Variants in PLCD4 observed in about 807,000 individuals in gnomAD.
The protein encoded by PLCD4 is phospholipase C delta 4.
A neutral mutation model predicts 90.2 loss-of-function variants in PLCD4; 63 were observed. The observed-to-expected ratio is 0.70, with a 90% confidence interval of 0.57 to 0.86. The LOEUF (loss-of-function observed/expected upper bound fraction) is 0.86. Ranked by LOEUF, PLCD4 falls within the 40% of genes least tolerant of loss-of-function variation. PLCD4 has a pLI of 0.00. For synonymous variants in PLCD4, 294 were observed against 356.5 expected (o/e 0.82, Z 1.97); for missense variants, 830 against 956.3 (o/e 0.87, Z 1.74).
Position 218,634,396 on chromosome 2 carries a change from G to T in PLCD4, c.1724-62G>T. The T allele has an allele frequency of 6.3e-7, 1 of 1,581,890 alleles. No homozygotes were observed. Among genetic ancestry groups the T allele is most frequent in the South Asian group, 1.2e-5 (1 of 85,582 alleles). ...CCAGTACCTATCTTCTTAACTCCCT[G>T]AAAGAGGGGCTGGAAGGCCTCCATG... On this transcript the variant is annotated intron_variant, in intron 12 of 15. Coordinates refer to ENST00000450993, the MANE Select transcript of PLCD4 (RefSeq NM_032726.4). The surrounding 1 kb of genome is among the most constrained non-coding windows in gnomAD (Gnocchi z 4.0).
intron 3 of PLCD4, 33 bp downstream of exon 3, chr2:218,616,095 T>A (rs780454969): frequency 6.2e-7 from 1 of 1,606,702 alleles, no homozygotes; most frequent in African/African-American, 1.3e-5. Context: ...GGTGGATACA[T>A]GGGTGGATAG....
intron 13 of PLCD4, among the ~76,000 whole-genome samples, 165 bp from the exon 14 acceptor site, chr2:218,635,631 C>A (rs746630831): frequency 6.6e-6 from 1 of 152,172 alleles, no homozygotes; most frequent in Non-Finnish European, 1.5e-5. Flanking sequence ...CCGTGCCCGG[C>A]CTTTGGGTGC....
intron 7 of PLCD4, 139 bp downstream of exon 7, chr2:218,628,369 G>C: frequency 1.3e-6 from 1 of 771,890 alleles, no homozygotes; most frequent in East Asian, 2.5e-5. Flanking sequence ...AGAGACACTT[G>C]GAGGAGATAT....
chr2:218,633,665 T>C lies in PLCD4; in HGVS notation c.1510T>C (p.Ser504Pro). The C allele has an allele frequency of 6.2e-7, 1 of 1,613,432 alleles. No homozygotes were observed. Among genetic ancestry groups the C allele is most frequent in the Non-Finnish European group, 8.5e-7 (1 of 1,179,364 alleles). Reference protein sequence around the residue: ...SSLVIYLKSVSFRSFTHSKEH... With the variant: ...SSLVIYLKSVPFRSFTHSKEH... Reference sequence around the variant, plus strand: ...CCTGGTTATCTACTTGAAGTCTGTCTCATTCCGCAGCTTCACACATTCAAA... The same window carrying C: ...CCTGGTTATCTACTTGAAGTCTGTCCCATTCCGCAGCTTCACACATTCAAA... Residue 504 changes from serine (S) to proline (P), a missense_variant, in exon 11 of 16, where the codon TCA becomes CCA. By Grantham distance (74) the Ser-to-Pro change is moderately conservative. Coordinates refer to ENST00000450993, the MANE Select transcript of PLCD4 (RefSeq NM_032726.4).
rs1443492558 is a variant in PLCD4, at chr2:218,630,705, A to G, written c.1175A>G (p.Gln392Arg). 6.2e-7 allele frequency: 1 copy of G among 1,614,008 alleles called. No individual in the cohort carries two copies. Among genetic ancestry groups the G allele is most frequent in the Admixed American group, 1.7e-5 (1 of 60,008 alleles). Residue 392 changes from glutamine to arginine, a missense_variant, in exon 9 of 16, where the codon CAG (glutamine) becomes CGG (arginine). By Grantham distance (43) the Gln-to-Arg change is conservative (BLOSUM62 1). Transcript: ENST00000450993. ...GAGACCCACTGCAGCTGGGAGCAGC[A>G]GCAGACCATGGCCCGTCATCTGACT... ...SLETHCSWEQ[Q>R]QTMARHLTEI...
chr2:218,616,084 G>A, intron 3 of PLCD4, 22 bp downstream of exon 3: 1 of 1,610,144 alleles, frequency 6.2e-7, no homozygotes, highest in Non-Finnish European at 8.5e-7. Flanking sequence ...GGATAGTGGG[G>A]GGTGGATACA....
intron 1 of PLCD4, chr2:218,609,336 T>C (rs1695231176): frequency 6.6e-6 from 1 of 152,110 alleles, no homozygotes; most frequent in Admixed American, 6.6e-5. Context: ...CTTGGTGCCA[T>C]TGGTAACTCT....
At chr2:218,618,882 G>C in intron 4 of PLCD4, 75 bp downstream of exon 4, 1 of 1,428,362 alleles carries the variant, frequency 7.0e-7, no homozygotes, top group South Asian at 1.3e-5. Flanking sequence ...AACAGGTTTA[G>C]GAAAGGTGAG....
Position 218,632,286 on chromosome 2 carries a change from A to T in PLCD4, c.1423A>T (p.Asn475Tyr). Reference sequence around the variant, plus strand: ...GACTGAGCCTGAGCCCCAGGAGCAGAACCTTCAGAATAAGGACAAAAAGAA... The same window carrying T: ...GACTGAGCCTGAGCCCCAGGAGCAGTACCTTCAGAATAAGGACAAAAAGAA... ...FETEPEPQEQ[N>Y]LQNKDKKKKS... The change falls in exon 10 of 16, where the codon AAC (asparagine) becomes TAC (tyrosine). Residue 475 changes from asparagine (N) to tyrosine (Y), a missense_variant. Transcript: ENST00000450993. The T allele has an allele frequency of 6.2e-7, 1 of 1,610,298 alleles. No homozygotes were observed. The highest frequency in any genetic ancestry group is 8.5e-7 in the Non-Finnish European group (1 of 1,178,372).
At position 218,636,760 on chromosome 2, in the gene PLCD4, C is replaced by A; in HGVS notation, c.*183C>A. On this transcript the variant is annotated 3_prime_UTR_variant, in exon 16 of 16. Transcript: ENST00000450993. ...GGACCTGATTTTCCACCTTTTTTCTCTTTTCTTCCCTTCCTTTGTTTTCAT... is the reference window on the plus strand; with the variant it reads ...GGACCTGATTTTCCACCTTTTTTCTATTTTCTTCCCTTCCTTTGTTTTCAT... 1 of 680,136 alleles carries A rather than the reference C, an allele frequency of 1.5e-6. No individual in the cohort carries two copies. Among genetic ancestry groups the A allele is most frequent in the Admixed American group, 2.5e-5 (1 of 39,948 alleles). 42.1% of individuals were successfully genotyped at this position (680,136 alleles called of 1,614,324 possible). A position where few individuals can be genotyped will look rare whatever the true frequency, so the allele number is the denominator to read the frequency against.
At chr2:218,616,749 A>ACATACATACATC (rs1469646602) in intron 3 of PLCD4, among the ~76,000 whole-genome samples, 1 of 149,024 alleles carries the variant, frequency 6.7e-6, no homozygotes, top group Non-Finnish European at 1.5e-5. Flanking sequence ...ATACATACAT[A>ACATACATACATC]CATACATCAA....
rs369159528 is a variant in PLCD4, at chr2:218,629,580, C to T, written c.1036C>T (p.Pro346Ser). ...VDVWDGPSGE[P>S]VVYHGHTLTS... Reference sequence around the variant, plus strand: ...TGTATGGGATGGACCTAGCGGGGAACCTGTCGTTTACCACGGACACACCCT... The same window carrying T: ...TGTATGGGATGGACCTAGCGGGGAATCTGTCGTTTACCACGGACACACCCT... Residue 346 changes from proline to serine, a missense_variant, in exon 8 of 16, where the codon CCT becomes TCT. By Grantham distance (74) the Pro-to-Ser change is moderately conservative. Coordinates refer to ENST00000450993, the MANE Select transcript of PLCD4 (RefSeq NM_032726.4). 3.7e-6 allele frequency: 6 copies of T among 1,613,558 alleles called. No homozygotes were observed. The Admixed American group carries it at 6.7e-5, about 18-fold the overall frequency.
Position 218,630,678 on chromosome 2 carries a change from T to G in PLCD4, c.1148T>G (p.Leu383Arg). The change falls in exon 9 of 16, where the codon CTG becomes CGG. Residue 383 changes from leucine (L) to arginine (R), a missense_variant. By Grantham distance (102) the Leu-to-Arg change is moderately radical (BLOSUM62 -2). Coordinates refer to ENST00000450993, the MANE Select transcript of PLCD4 (RefSeq NM_032726.4). ...QTSDYPVILS[L>R]ETHCSWEQQQ... ...TCAGACTACCCAGTCATCTTGTCCC[T>G]GGAGACCCACTGCAGCTGGGAGCAG... The G allele has an allele frequency of 6.2e-7, 1 of 1,614,048 alleles. No homozygotes were observed. Among genetic ancestry groups the G allele is most frequent in the South Asian group, 1.1e-5 (1 of 91,086 alleles).
intron 11 of PLCD4, 111 bp from the exon 12 acceptor site, chr2:218,633,994 G>A: frequency 1.4e-6 from 2 of 1,426,196 alleles, no homozygotes; most frequent in Non-Finnish European, 1.9e-6. Context: ...AAACTTTCTG[G>A]AGCCAGCTTC....
intron 6 of PLCD4, among the ~76,000 whole-genome samples, chr2:218,627,035 C>T (rs548079078): frequency 5.9e-5 from 9 of 151,856 alleles, no homozygotes; most frequent in South Asian, 2.1e-4. Context: ...AGGCGGATCA[C>T]GAGGTCAGGA....
In PLCD4 at chr2:218,634,635, A is replaced by G. The variant is rs778531221; in HGVS notation, c.1896+5A>G. Reference sequence around the variant, plus strand: ...GCCCAGACTCTCTTAATCCAGGTACAGTGGAAATAAACTGTTGGGAAGAAA... The same window carrying G: ...GCCCAGACTCTCTTAATCCAGGTACGGTGGAAATAAACTGTTGGGAAGAAA... On this transcript the variant is annotated splice_donor_5th_base_variant and intron_variant, in intron 13 of 15. Transcript: ENST00000450993. The surrounding 1 kb of genome is among the most constrained non-coding windows in gnomAD (Gnocchi z 4.0). 1.9e-6 allele frequency: 3 copies of G among 1,612,588 alleles called. No individual in the cohort carries two copies. The highest frequency in any genetic ancestry group is 3.4e-5 in the Admixed American group (2 of 59,656).
intron 1 of PLCD4, among the ~76,000 whole-genome samples, chr2:218,611,755 C>G (rs1000759344): frequency 1.3e-5 from 2 of 151,652 alleles, no homozygotes; most frequent in Non-Finnish European, 2.9e-5. Flanking sequence ...TGCACCACCA[C>G]AGCCGGCTAC....
chr2:218,620,894 A>T (rs1394473407), intron 4 of PLCD4, among the ~76,000 whole-genome samples: 1 of 16,366 alleles, frequency 6.1e-5, no homozygotes, highest in Non-Finnish European at 1.1e-4. Flanking sequence ...ACTCTGTCTC[A>T]AAAAAAAAAA....
rs1696619081 is a variant in PLCD4, at chr2:218,634,820, A to C, written c.1896+190A>C. ...TTGGGTAATGTTGGGCAAGTTCCTT[A>C]ACCTCTCCATACCTCAGTCTGCTCA... On this transcript the variant is annotated intron_variant, in intron 13 of 15. Coordinates refer to ENST00000450993, the MANE Select transcript of PLCD4 (RefSeq NM_032726.4). This position sits in a 1 kb window ranked among gnomAD's most constrained non-coding sequence, Gnocchi z 4.0. Among the ~76,000 whole-genome samples the C allele has an allele frequency of 6.6e-6, 1 of 152,222 alleles. No individual in the cohort carries two copies. Among genetic ancestry groups the C allele is most frequent in the Admixed American group, 6.5e-5 (1 of 15,278 alleles).
Sources: allele counts gnomAD v4.1 joint callset (sites outside exome capture counted in the v4.1 genomes callset), GRCh38; gene constraint gnomAD v4.1.1; non-coding constraint Gnocchi (gnomAD v3.1); transcripts MANE v1.5; gene names NCBI Gene and HGNC (gene_info 2026-07-23, HGNC 2026-07-21).